The following ADCY6 variants were observed in gnomAD, a reference collection of about 807,000 sequenced individuals.
ADCY6 encodes adenylate cyclase 6, also known as adenylate cyclase type 6.
A neutral mutation model predicts 111.6 loss-of-function variants in ADCY6; 59 were observed. The ratio of observed to expected loss-of-function variants is 0.53; its 90% CI spans 0.43 to 0.66. The LOEUF is 0.66. Among genes scored for constraint, ADCY6 ranks in the 30% least tolerant of loss-of-function variants. The pLI, the probability that ADCY6 is intolerant of heterozygous loss-of-function variation, is 0.00. For missense variants in ADCY6, 1,242 were observed against 1,595.6 expected, an observed-to-expected ratio of 0.78 and a Z score of 3.78; for synonymous variants, 576 against 642.9, an observed-to-expected ratio of 0.90 and a Z score of 1.57.
chr12:48,768,470 C>A lies in ADCY6; in HGVS notation c.*121G>T. On this transcript the variant is annotated 3_prime_UTR_variant, in exon 22 of 22. Transcript: ENST00000357869. ...TCCAAGCACAGCCTGCTGGGATGTT[C>A]CCTTTTGTGGTTAGCAGGGTCTGGA... 1.4e-6 allele frequency: 2 copies of A among 1,425,750 alleles called. No individual in the cohort carries two copies. The highest frequency in any genetic ancestry group is 9.8e-7 in the Non-Finnish European group (1 of 1,021,058). 88.3% of individuals were successfully genotyped at this position (1,425,750 alleles called of 1,614,324 possible).
Position 48,782,679 on chromosome 12 carries a change from G to A in ADCY6, c.756C>T (p.Leu252=), listed in dbSNP as rs1208648165. Residue 252 remains leucine (L), a synonymous_variant, in exon 2 of 22, where the codon CTC becomes CTT. Transcript: ENST00000357869. The surrounding 1 kb of genome is among the most constrained non-coding windows in gnomAD (Gnocchi z 4.3). ...CGGCAGCCCGCATGCGGATGGGGAG[G>A]AGCGTGTAGGCGATGTAGACAAAGA... ...PVFFVYIAYT[L]LPIRMRAAVL... is the part of the protein sequence containing the mutation. 1.6e-5 allele frequency: 26 copies of A among 1,594,386 alleles called. No homozygotes were observed. Among genetic ancestry groups the A allele is most frequent in the Non-Finnish European group, 2.1e-5 (25 of 1,169,624 alleles).
rs775405055 is a variant in ADCY6 at position 48,774,469 on chromosome 12, C to T, written c.2216G>A (p.Arg739Gln). The change falls in exon 14 of 22, where the codon CGG (arginine) becomes CAG (glutamine). Residue 739 changes from arginine to glutamine, a missense_variant. Physicochemically the swap from Arg to Gln is conservative, Grantham distance 43. This residue lies in a region of ADCY6 where 375 missense variants were observed against 432.5 expected (regional missense o/e 0.87). Coordinates refer to ENST00000357869, the MANE Select transcript of ADCY6 (RefSeq NM_015270.5). ...GATGCCAACTGCGGTGCTATGTGCC[C>T]GTGAGCGGACAATGCTGCGGGACAG... ...QRLSRSIVRS[R>Q]AHSTAVGIFS... is the part of the protein sequence containing the mutation. 1.1e-5 allele frequency: 17 copies of T among 1,613,842 alleles called. No individual in the cohort carries two copies. In the East Asian group the frequency reaches 2.0e-4, roughly 19 times the overall value.
At chr12:48,778,324 ATT>A (rs747439952) in intron 2 of ADCY6, 67 bp from the exon 3 acceptor site, 2 of 1,594,254 alleles carry the variant, frequency 1.3e-6, no homozygotes, top group Non-Finnish European at 1.7e-6. Flanking sequence ...ACACACACAC[ATT>A]CACACAACTT....
At chr12:48,780,964 G>C (rs550937662) in intron 2 of ADCY6, among the ~76,000 whole-genome samples, 3 of 152,324 alleles carry the variant, frequency 2.0e-5, no homozygotes, top group African/African-American at 7.2e-5. Flanking sequence ...ACTTTGGGAG[G>C]CCAAGGCGGG....
Position 48,771,317 on chromosome 12 carries a change from C to G in ADCY6, c.3052-347G>C, listed in dbSNP as rs150291009. On this transcript the variant is annotated intron_variant, in intron 19 of 21. Coordinates refer to ENST00000357869, the MANE Select transcript of ADCY6 (RefSeq NM_015270.5). The surrounding 1 kb of genome is among the most constrained non-coding windows in gnomAD (Gnocchi z 4.3). ...CTCCAGAACAGTGAACAGCCCATTCCTGATCTGGATGTTCAGGACACTACC... is the reference window on the plus strand; with the variant it reads ...CTCCAGAACAGTGAACAGCCCATTCGTGATCTGGATGTTCAGGACACTACC... 0.012 allele frequency: 5,845 copies of G among 481,432 alleles called. 62 individuals are homozygous for G. Among genetic ancestry groups the G allele is most frequent in the Middle Eastern group, 0.025 (42 of 1,682 alleles). 29.8% of individuals were successfully genotyped at this position (481,432 alleles called of 1,614,324 possible).
Position 48,782,928 on chromosome 12 carries a change from G to A in ADCY6, c.507C>T (p.Phe169=), listed in dbSNP as rs924912462. The A allele has an allele frequency of 3.7e-6, 6 of 1,613,336 alleles. No homozygotes were observed. The African/African-American group carries it at 8.0e-5, about 22-fold the overall frequency. Residue 169 remains phenylalanine, a synonymous_variant, in exon 2 of 22, where the codon TTC becomes TTT. Transcript: ENST00000357869. This position sits in a 1 kb window ranked among gnomAD's most constrained non-coding sequence, Gnocchi z 4.3. ...LVLLTAVLLA[F]HAAPARPQPA... ...GCTGAGGGCGGGCGGGTGCGGCGTG[G>A]AAAGCCAGCAGCACCGCTGTGAGCA...
rs1037254707 is a variant in ADCY6, at chr12:48,778,872, A to ATTTTTT, written c.865-621_865-616dup. Among the ~76,000 whole-genome samples, 532 of 72,410 alleles carry ATTTTTT rather than the reference A, an allele frequency of 7.3e-3. 105 individuals are homozygous for ATTTTTT. Among genetic ancestry groups the ATTTTTT allele is most frequent in the African/African-American group, 0.03 (508 of 16,730 alleles). The allele number at this position is 72,410 out of a possible 152,430, so 47.5% of individuals were successfully genotyped here. ...GTGTCTTCTATACACTGAATAACAC[A>ATTTTTT]TTTTTTTTTTTTTTTTTTTTTTTTT... On this transcript the variant is annotated intron_variant, in intron 2 of 21. Transcript: ENST00000357869.
At chr12:48,775,175 T>C in intron 11 of ADCY6, 121 bp from the exon 12 acceptor site, 2 of 1,480,758 alleles carry the variant, frequency 1.4e-6, no homozygotes, top group African/African-American at 1.4e-5. Flanking sequence ...ACTGATGAAA[T>C]CCTCACCCTG....
rs369144920 is a variant in ADCY6, at chr12:48,772,004, C to T, written c.2788-31G>A. ...GACACCACACCCATCACCCATTGCC[C>T]GACATTCACAAGGGGTAGGTGTGGT... On this transcript the variant is annotated intron_variant, in intron 18 of 21. Transcript: ENST00000357869. 4.7e-5 allele frequency: 75 copies of T among 1,584,494 alleles called. No homozygotes were observed. The South Asian group carries it at 5.5e-4, about 12-fold the overall frequency.
chr12:48,781,135 T>C (rs893384995), intron 2 of ADCY6, among the ~76,000 whole-genome samples: 1 of 151,368 alleles, frequency 6.6e-6, no homozygotes, highest in African/African-American at 2.4e-5. Context: ...GAGGCAGAGG[T>C]TGCAGTGAGC....
intron 11 of ADCY6, 52 bp downstream of exon 11, chr12:48,775,251 T>G (rs1941664152): frequency 6.2e-7 from 1 of 1,609,546 alleles, no homozygotes; most frequent in Non-Finnish European, 8.5e-7. Context: ...CCTTCCCTGC[T>G]GCGACCTGCC....
chr12:48,788,009 C>T (rs1477391737), intron 1 of ADCY6, among the ~76,000 whole-genome samples: 1 of 152,130 alleles, frequency 6.6e-6, no homozygotes. Flanking sequence ...CAAAAGGAGG[C>T]TCCAGGGGAT....
intron 2 of ADCY6, 73 bp from the exon 3 acceptor site, chr12:48,778,330 A>C (rs1250322672): frequency 6.3e-7 from 1 of 1,592,984 alleles, no homozygotes; most frequent in East Asian, 2.2e-5. Flanking sequence ...ACACATTCAC[A>C]CAACTTGCTA....
intron 1 of ADCY6, among the ~76,000 whole-genome samples, chr12:48,787,411 C>A (rs1372485576): frequency 1.3e-5 from 2 of 150,908 alleles, no homozygotes; most frequent in South Asian, 2.1e-4. Context: ...AACACTCTGA[C>A]CCCCCCCAAG....
At chr12:48,775,641 G>C in intron 10 of ADCY6, 32 bp downstream of exon 10, 1 of 1,606,586 alleles carries the variant, frequency 6.2e-7, no homozygotes, top group Non-Finnish European at 8.5e-7. Flanking sequence ...CAGGGTGCAA[G>C]TGCCTTCTCC....
intron 2 of ADCY6, among the ~76,000 whole-genome samples, chr12:48,781,112 C>T (rs1483196298): frequency 6.6e-6 from 1 of 151,642 alleles, no homozygotes; most frequent in Non-Finnish European, 1.5e-5. Context: ...GCAGGAGAAT[C>T]GCTTGAACCT....
chr12:48,777,717 AC>A lies in ADCY6; in HGVS notation c.1033del (p.Val345TyrfsTer10). ...NRQQERLLLS[V>X]LPQHVAMEMK... is the part of the protein sequence containing the mutation. ...CTCCATGGCAACGTGCTGGGGCAAT[AC>A]CGACAGCAGCAGCCGCTCCTAGCCC... is the stretch of plus-strand genomic sequence containing the variant. On this transcript the variant is annotated frameshift_variant, in exon 4 of 22. Coordinates refer to ENST00000357869, the MANE Select transcript of ADCY6 (RefSeq NM_015270.5). LOFTEE classifies it high-confidence loss of function. This position sits in a 1 kb window ranked among gnomAD's most constrained non-coding sequence, Gnocchi z 4.9. 1 of 1,614,116 alleles carries A rather than the reference AC, an allele frequency of 6.2e-7. No individual in the cohort carries two copies. Among genetic ancestry groups the A allele is most frequent in the Non-Finnish European group, 8.5e-7 (1 of 1,180,030 alleles).
chr12:48,773,689 C>T (rs2137348513), intron 15 of ADCY6, 42 bp from the exon 16 acceptor site: 1 of 1,610,384 alleles, frequency 6.2e-7, no homozygotes, highest in Non-Finnish European at 8.5e-7. Context: ...AGGCAGAGGC[C>T]ACAGCACCCT....
intron 1 of ADCY6, 170 bp from the exon 2 acceptor site, chr12:48,783,608 C>T (rs1941914153): frequency 7.0e-7 from 1 of 1,432,536 alleles, no homozygotes; most frequent in Non-Finnish European, 9.2e-7. Context: ...CAAGGGTATC[C>T]CCAATCAACA....
Sources: gnomAD v4.1 joint callset for allele counts (sites outside exome capture counted in the v4.1 genomes callset) on GRCh38, gnomAD v4.1.1 for gene constraint, gnomAD v4.1.1 regional missense constraint, Gnocchi (gnomAD v3.1) non-coding constraint, MANE v1.5 for transcripts, NCBI Gene and HGNC (gene_info 2026-07-23, HGNC 2026-07-21) for gene names.